The following NHSL3 variants were observed in gnomAD, a reference collection of about 807,000 sequenced individuals.
The protein encoded by NHSL3 is NHS like 3, also known as NHS-like protein 3.
chr1:32,770,636 G>A, the NHSL3 span: 1 of 1,518,608 alleles, frequency 6.6e-7, no homozygotes, highest in South Asian at 1.3e-5. This position sits in a 1 kb window ranked among gnomAD's most constrained non-coding sequence, Gnocchi z 8.3. Flanking sequence ...CAGTTGTCTG[G>A]CCGGAGTGTG....
chr1:32,748,999 C>G, the NHSL3 span, among the ~76,000 whole-genome samples: 1 of 152,174 alleles, frequency 6.6e-6, no homozygotes, highest in South Asian at 2.1e-4. Flanking sequence ...CAGGCACTAT[C>G]CTCGGGATGA....
At chr1:32,770,737 G>A in the NHSL3 span, 2 of 1,556,796 alleles carry the variant, frequency 1.3e-6, no homozygotes, top group African/African-American at 2.7e-5. The surrounding 1 kb of genome is among the most constrained non-coding windows in gnomAD (Gnocchi z 8.3). Context: ...TGGGCCATTA[G>A]GGTTGCCCCC....
the NHSL3 span, chr1:32,773,192 G>C: frequency 2.0e-6 from 1 of 499,620 alleles, no homozygotes; most frequent in Non-Finnish European, 3.6e-6. Context: ...TGCTGGCCCT[G>C]AGGCTGCAGA....
the NHSL3 span, chr1:32,772,322 C>T: frequency 1.2e-5 from 15 of 1,289,188 alleles, no homozygotes; most frequent in African/African-American, 1.5e-5. Context: ...GAGCCCCTTA[C>T]TGCTCCTCCC....
the NHSL3 span, among the ~76,000 whole-genome samples, chr1:32,752,921 A>C: frequency 1.7e-4 from 1 of 5,826 alleles, no homozygotes; most frequent in Non-Finnish European, 6.2e-4. Context: ...ACACACACAC[A>C]CACACACACA....
the NHSL3 span, among the ~76,000 whole-genome samples, chr1:32,748,475 T>A: frequency 6.6e-6 from 1 of 152,118 alleles, no homozygotes; most frequent in Admixed American, 6.6e-5. Flanking sequence ...TCCCATGTGT[T>A]TTCCCCTTCT....
the NHSL3 span, chr1:32,770,217 C>T: frequency 1.9e-6 from 3 of 1,604,838 alleles, no homozygotes; most frequent in Non-Finnish European, 1.7e-6. This position sits in a 1 kb window ranked among gnomAD's most constrained non-coding sequence, Gnocchi z 8.3. Flanking sequence ...CCATCTCCCC[C>T]CAGGCCACCT....
the NHSL3 span, among the ~76,000 whole-genome samples, chr1:32,764,584 C>T: frequency 2.6e-5 from 4 of 152,028 alleles, no homozygotes; most frequent in East Asian, 3.9e-4. Flanking sequence ...TCTCCTGCCT[C>T]GGCCTCCCGA....
chr1:32,756,988 G>A, the NHSL3 span, among the ~76,000 whole-genome samples: 1 of 152,146 alleles, frequency 6.6e-6, no homozygotes, highest in Non-Finnish European at 1.5e-5. Context: ...AAAACAAATG[G>A]AGTTGAGACT....
At chr1:32,769,974 C>A in the NHSL3 span, 1 of 1,607,844 alleles carries the variant, frequency 6.2e-7, no homozygotes, top group Non-Finnish European at 8.5e-7. Flanking sequence ...GCCCCCGAGG[C>A]ACCTCAGGGA....
the NHSL3 span, among the ~76,000 whole-genome samples, chr1:32,761,327 C>T: frequency 1.3e-5 from 2 of 152,092 alleles, no homozygotes; most frequent in East Asian, 1.9e-4. Flanking sequence ...TGGGGTGACT[C>T]GGAGAGGCTG....
the NHSL3 span, chr1:32,769,942 C>G: frequency 3.1e-6 from 5 of 1,607,456 alleles, no homozygotes; most frequent in Non-Finnish European, 3.4e-6. Flanking sequence ...GGATGCCGTA[C>G]GCATCCCCAC....
At chr1:32,742,052 G>C in the NHSL3 span, 9 of 1,262,472 alleles carry the variant, frequency 7.1e-6, no homozygotes, top group African/African-American at 1.6e-5. Context: ...GGCGCGTCCG[G>C]CCTCCGCCGC....
At chr1:32,772,265 C>T in the NHSL3 span, 11 of 1,602,728 alleles carry the variant, frequency 6.9e-6, no homozygotes, top group East Asian at 2.2e-5. Flanking sequence ...GCCCGCAAGC[C>T]GTCTGTGGGA....
the NHSL3 span, chr1:32,768,006 C>T: frequency 6.2e-7 from 1 of 1,612,432 alleles, no homozygotes; most frequent in Non-Finnish European, 8.5e-7. Flanking sequence ...CAGTGCTGCA[C>T]TGTCAGCTGT....
At chr1:32,767,898 C>T in the NHSL3 span, 5 of 1,614,086 alleles carry the variant, frequency 3.1e-6, no homozygotes, top group Non-Finnish European at 4.2e-6. Context: ...GGGCGACCCC[C>T]CCACCTGGAA....
At chr1:32,769,844 T>TTTCTG in the NHSL3 span, 1 of 1,611,604 alleles carries the variant, frequency 6.2e-7, no homozygotes, top group Non-Finnish European at 8.5e-7. Context: ...GGTCATCCCC[T>TTTCTG]CTCTGCTGAC....
At chr1:32,774,139 C>T in the NHSL3 span, 1 of 152,782 alleles carries the variant, frequency 6.5e-6, no homozygotes, top group Non-Finnish European at 1.5e-5. Flanking sequence ...CCATTGGCCC[C>T]TGTGGGTCCA....
the NHSL3 span, among the ~76,000 whole-genome samples, chr1:32,756,829 C>T: frequency 2.0e-5 from 3 of 151,942 alleles, no homozygotes; most frequent in African/African-American, 7.3e-5. Context: ...ACTAGCCAGG[C>T]GTGGTGGTGG....
Sources: allele counts gnomAD v4.1 joint callset (sites outside exome capture counted in the v4.1 genomes callset), GRCh38; gene constraint gnomAD v4.1.1; non-coding constraint Gnocchi (gnomAD v3.1); transcripts MANE v1.5; gene names NCBI Gene and HGNC (gene_info 2026-07-23, HGNC 2026-07-21).